MBOAT1: variants seen among roughly 807,000 people sequenced by gnomAD.
The protein encoded by MBOAT1 is membrane-bound glycerophospholipid O-acyltransferase 1.
Under a neutral mutation model 64.4 loss-of-function variants are expected in MBOAT1, and 67 were observed. The ratio of observed to expected loss-of-function variants is 1.04; its 90% CI spans 0.85 to 1.27. MBOAT1 has a LOEUF of 1.27. Ranked by LOEUF, MBOAT1 falls within the 50% of genes most tolerant of loss-of-function variation. MBOAT1 has a pLI of 0.00. For synonymous variants in MBOAT1, 229 were observed against 218.9 expected (o/e 1.05, Z -0.41); for missense variants, 563 against 604.6 (o/e 0.93, Z 0.72).
intron 1 of MBOAT1, among the ~76,000 whole-genome samples, chr6:20,159,388 T>C (rs556173160): frequency 6.6e-6 from 1 of 152,246 alleles, no homozygotes; most frequent in South Asian, 2.1e-4. Context: ...CTAAGTGCCA[T>C]CAAGGGATGA....
intron 8 of MBOAT1, among the ~76,000 whole-genome samples, chr6:20,120,981 G>T (rs1233493033): frequency 6.6e-6 from 1 of 152,124 alleles, no homozygotes; most frequent in South Asian, 2.1e-4. Flanking sequence ...TAATTTGTAC[G>T]CCCATCTGTT....
At chr6:20,182,603 G>A (rs9350220) in intron 1 of MBOAT1, among the ~76,000 whole-genome samples, 60,664 of 151,980 alleles carry the variant, frequency 0.4, 13,844 homozygotes, top group Admixed American at 0.56. Context: ...GGCGAGCAAT[G>A]CCTTGGGTCT....
chr6:20,210,578 TCTCC>T (rs537699494), intron 1 of MBOAT1, among the ~76,000 whole-genome samples: 32 of 149,950 alleles, frequency 2.1e-4, no homozygotes, highest in South Asian at 8.5e-4. Flanking sequence ...CCCAGAAGTC[TCTCC>T]CTCCCTCCCT....
At chr6:20,146,885 G>T (rs1235682009) in intron 3 of MBOAT1, among the ~76,000 whole-genome samples, 1 of 152,184 alleles carries the variant, frequency 6.6e-6, no homozygotes, top group African/African-American at 2.4e-5. Flanking sequence ...GTATTCTACA[G>T]ACTGACTGAT....
rs552297500 is a variant in MBOAT1, at chr6:20,126,814, T to C, written c.531-114A>G. 5 of 776,834 alleles carry C rather than the reference T, an allele frequency of 6.4e-6. No homozygotes were observed. In the East Asian group the frequency reaches 1.1e-4, roughly 17 times the overall value. The allele number at this position is 776,834 out of a possible 1,614,324, so 48.1% of individuals were successfully genotyped here. On this transcript the variant is annotated intron_variant, in intron 6 of 12. Transcript: ENST00000324607. ...TGTAGATTCGATACATGACATGACC[T>C]TTCCTTGTTTTGTTTCTACAAAGTC...
At chr6:20,190,663 T>C (rs1314212403) in intron 1 of MBOAT1, among the ~76,000 whole-genome samples, 2 of 151,792 alleles carry the variant, frequency 1.3e-5, no homozygotes, top group East Asian at 3.8e-4. Flanking sequence ...CATTTAGGAA[T>C]CTTTCTATCT....
In MBOAT1 at chr6:20,124,553, C is replaced by T; in HGVS notation, c.762G>A (p.Leu254=). Residue 254 remains leucine, a synonymous_variant, in exon 8 of 13, where the codon TTG becomes TTA. Coordinates refer to ENST00000324607, the MANE Select transcript of MBOAT1 (RefSeq NM_001080480.3). ...KLGITLVSLL[L]FLTLTKTFPV... is the part of the protein sequence containing the mutation. ...GAAAGGTCTTCGTTAGCGTCAAAAA[C>T]AAAAGGAGAGACACCAAGGTGATGC... 1 of 1,614,192 alleles carries T rather than the reference C, an allele frequency of 6.2e-7. No individual in the cohort carries two copies. Among genetic ancestry groups the T allele is most frequent in the South Asian group, 1.1e-5 (1 of 91,086 alleles).
chr6:20,191,720 C>T (rs1046891896), intron 1 of MBOAT1, among the ~76,000 whole-genome samples: 1 of 152,116 alleles, frequency 6.6e-6, no homozygotes, highest in Non-Finnish European at 1.5e-5. Flanking sequence ...TGAGATGACC[C>T]ATGTATTTAG....
chr6:20,178,439 GATAA>G (rs1222379692), intron 1 of MBOAT1, among the ~76,000 whole-genome samples: 1 of 152,084 alleles, frequency 6.6e-6, no homozygotes, highest in East Asian at 1.9e-4. Flanking sequence ...CAAACATGTT[GATAA>G]ATAAAAATAA....
In MBOAT1 at chr6:20,109,696, C is replaced by A; in HGVS notation, c.1263G>T (p.Val421=). ...TGACGGCCCAGGTGCCTGCATCATA[C>A]ACAGCCTTGAGAGCTCTTGAAGAAA... ...YFLSSRALKA[V]YDAGTWAVTQ... is the part of the protein sequence containing the mutation. The change falls in exon 12 of 13, where the codon GTG becomes GTT. Residue 421 remains valine (V), a synonymous_variant. Transcript: ENST00000324607. 1 of 1,614,144 alleles carries A rather than the reference C, an allele frequency of 6.2e-7. No homozygotes were observed. Among genetic ancestry groups the A allele is most frequent in the African/African-American group, 1.3e-5 (1 of 75,034 alleles).
chr6:20,161,832 T>C (rs958853062), intron 1 of MBOAT1, among the ~76,000 whole-genome samples: 1 of 152,206 alleles, frequency 6.6e-6, no homozygotes, highest in African/African-American at 2.4e-5. Context: ...AGTAGTGGCC[T>C]GTATTCATTT....
intron 4 of MBOAT1, among the ~76,000 whole-genome samples, chr6:20,133,130 A>G (rs950644157): frequency 6.6e-5 from 10 of 152,322 alleles, no homozygotes; most frequent in Middle Eastern, 6.8e-3. Context: ...CTTACAGCCC[A>G]ATGGCCAGCG....
intron 1 of MBOAT1, among the ~76,000 whole-genome samples, chr6:20,156,189 C>CTT (rs1761675949): frequency 6.7e-6 from 1 of 150,150 alleles, no homozygotes; most frequent in African/African-American, 2.5e-5. Flanking sequence ...GAGAATGGCG[C>CTT]GAACCTGGGA....
intron 1 of MBOAT1, among the ~76,000 whole-genome samples, chr6:20,175,285 CT>C (rs933949877): frequency 6.6e-6 from 1 of 152,142 alleles, no homozygotes; most frequent in African/African-American, 2.4e-5. Context: ...GGGTCTCACT[CT>C]GTTGCCCAGG....
At chr6:20,107,824 A>ATTCAAAAC (rs1222001620) in intron 12 of MBOAT1, among the ~76,000 whole-genome samples, 1 of 152,174 alleles carries the variant, frequency 6.6e-6, no homozygotes, top group Non-Finnish European at 1.5e-5. Context: ...GAAATAGATA[A>ATTCAAAAC]TTCAAAACCT....
chr6:20,168,667 AAG>A (rs1156622531), intron 1 of MBOAT1, among the ~76,000 whole-genome samples: 2 of 137,076 alleles, frequency 1.5e-5, no homozygotes, highest in African/African-American at 2.7e-5. Flanking sequence ...GAAAGAGAGA[AAG>A]AGAGAGAGAA....
intron 4 of MBOAT1, among the ~76,000 whole-genome samples, chr6:20,139,367 G>A (rs139328956): frequency 7.2e-5 from 11 of 152,170 alleles, no homozygotes; most frequent in African/African-American, 2.6e-4. Flanking sequence ...GTCTCCCAAA[G>A]TGCTGAGATT....
At chr6:20,137,582 A>C (rs896975679) in intron 4 of MBOAT1, among the ~76,000 whole-genome samples, 1 of 152,222 alleles carries the variant, frequency 6.6e-6, no homozygotes, top group African/African-American at 2.4e-5. Context: ...AGCACCAATA[A>C]AAGTGTATCT....
At position 20,177,789 on chromosome 6, in the gene MBOAT1, AAAC is replaced by A. The variant is rs796763140; in HGVS notation, c.100-25023_100-25021del. 2.0e-3 allele frequency among the ~76,000 whole-genome samples: 146 copies of A among 71,330 alleles called. 1 individual carries two copies. Among genetic ancestry groups the A allele is most frequent in the African/African-American group, 4.9e-3 (128 of 25,914 alleles). The allele number at this position is 71,330 out of a possible 152,430, so 46.8% of individuals were successfully genotyped here. A position where few individuals can be genotyped will look rare whatever the true frequency, so the allele number is the denominator to read the frequency against. ...ACTCCGTCTCAAAAAAAAAAAAAAA[AAAC>A]AAAAAACTTGGTAAATGTTTCCAAG... On this transcript the variant is annotated intron_variant, in intron 1 of 12. Transcript: ENST00000324607.
Sources: allele counts gnomAD v4.1 joint callset (sites outside exome capture counted in the v4.1 genomes callset), GRCh38; gene constraint gnomAD v4.1.1; transcripts MANE v1.5; gene names NCBI Gene and HGNC (gene_info 2026-07-23, HGNC 2026-07-21).